GPC6: variants seen among roughly 807,000 people sequenced by gnomAD.
GPC6 encodes the protein glypican 6, also known as glypican-6.
In GPC6, 14 loss-of-function variants were observed where a neutral mutation model predicts 55.2. That is an observed-to-expected ratio of 0.25 (90% CI 0.17 to 0.40). The LOEUF (loss-of-function observed/expected upper bound fraction) is 0.40. Ranked by LOEUF, GPC6 falls within the 10% of genes least tolerant of loss-of-function variation. GPC6 has a pLI of 1.00. For missense variants in GPC6, 641 were observed against 708.5 expected (o/e 0.90, Z 1.08); for synonymous variants, 278 against 259.6 (o/e 1.07, Z -0.68).
At chr13:94,362,431 G>A (rs1405787316) in intron 6 of GPC6, among the ~76,000 whole-genome samples, 2 of 152,102 alleles carry the variant, frequency 1.3e-5, no homozygotes, top group Non-Finnish European at 1.5e-5. Flanking sequence ...CTTGGCTCTG[G>A]TAGACCTCAT....
intron 4 of GPC6, among the ~76,000 whole-genome samples, chr13:94,069,111 A>G (rs1566362621): frequency 1.3e-5 from 2 of 152,220 alleles, no homozygotes; most frequent in African/African-American, 2.4e-5. Context: ...CTGGGCATCC[A>G]GGTGTTTCCA....
At chr13:93,702,918 CT>C (rs1302048402) in intron 2 of GPC6, among the ~76,000 whole-genome samples, 2 of 151,936 alleles carry the variant, frequency 1.3e-5, no homozygotes, top group Admixed American at 6.6e-5. Context: ...CTAAAACTTT[CT>C]TCAGAACAGC....
At chr13:93,348,886 A>G (rs1354876798) in intron 1 of GPC6, among the ~76,000 whole-genome samples, 1 of 152,140 alleles carries the variant, frequency 6.6e-6, no homozygotes, top group African/African-American at 2.4e-5. Flanking sequence ...GAGTAGAGTC[A>G]CAAACATGGG....
intron 2 of GPC6, among the ~76,000 whole-genome samples, chr13:93,568,164 C>T (rs1369194618): frequency 6.6e-6 from 1 of 152,072 alleles, no homozygotes; most frequent in Non-Finnish European, 1.5e-5. Flanking sequence ...TCAGATACTC[C>T]CTCCAAAGAT....
chr13:93,838,823 C>G (rs1363367908), intron 3 of GPC6, among the ~76,000 whole-genome samples: 1 of 151,112 alleles, frequency 6.6e-6, no homozygotes, highest in Non-Finnish European at 1.5e-5. Flanking sequence ...GGGCCCTGTC[C>G]CCAGAGTCAG....
At chr13:93,642,590 T>C (rs570846591) in intron 2 of GPC6, among the ~76,000 whole-genome samples, 1 of 152,168 alleles carries the variant, frequency 6.6e-6, no homozygotes, top group Middle Eastern at 3.4e-3. Context: ...TTCAAGTATT[T>C]CATTTTTATC....
chr13:94,022,824 T>C lies in GPC6; in HGVS notation c.712-4905T>C, dbSNP rs115728197. Among the ~76,000 whole-genome samples the C allele has an allele frequency of 2.5e-3, 383 of 152,178 alleles. 1 individual carries two copies. Among genetic ancestry groups the C allele is most frequent in the African/African-American group, 8.9e-3 (368 of 41,538 alleles). On this transcript the variant is annotated intron_variant, in intron 3 of 8. Coordinates refer to ENST00000377047, the MANE Select transcript of GPC6 (RefSeq NM_005708.5). ...TGCATTCCTCTGATGACTAATGATGTTGGGAACCTTTTCATGTTCCTGTTG... is the reference window on the plus strand; with the variant it reads ...TGCATTCCTCTGATGACTAATGATGCTGGGAACCTTTTCATGTTCCTGTTG...
intron 1 of GPC6, among the ~76,000 whole-genome samples, chr13:93,538,987 G>A (rs1231894702): frequency 6.7e-6 from 1 of 150,156 alleles, no homozygotes; most frequent in Non-Finnish European, 1.5e-5. Context: ...GTTCAGGTTA[G>A]TTACATATGT....
At chr13:94,336,504 G>T (rs549622611) in intron 6 of GPC6, among the ~76,000 whole-genome samples, 1 of 152,232 alleles carries the variant, frequency 6.6e-6, no homozygotes, top group South Asian at 2.1e-4. Context: ...TTACTTCTCA[G>T]TATGAAAATG....
intron 2 of GPC6, among the ~76,000 whole-genome samples, chr13:93,648,557 G>A (rs1412783562): frequency 2.6e-5 from 4 of 152,104 alleles, no homozygotes; most frequent in African/African-American, 7.2e-5. Flanking sequence ...AAACACTGAC[G>A]ATCTGACATT....
In GPC6 at chr13:93,991,564, A is replaced by G. The variant is rs539978501; in HGVS notation, c.712-36165A>G. ...GCATGTCTTCTTAATTTCTATTCACAATTGACTTATAGGAAGTTCCATAAA... is the reference window on the plus strand; with the variant it reads ...GCATGTCTTCTTAATTTCTATTCACGATTGACTTATAGGAAGTTCCATAAA... On this transcript the variant is annotated intron_variant, in intron 3 of 8. Coordinates refer to ENST00000377047, the MANE Select transcript of GPC6 (RefSeq NM_005708.5). 4.3e-4 allele frequency among the ~76,000 whole-genome samples: 66 copies of G among 152,290 alleles called. 1 individual carries two copies. The highest frequency in any genetic ancestry group is 6.8e-3 in the Middle Eastern group (2 of 294).
chr13:94,154,101 C>T (rs1457575775), intron 4 of GPC6: 2 of 152,114 alleles, frequency 1.3e-5, no homozygotes, highest in African/African-American at 2.4e-5. Context: ...GGTAATCAAA[C>T]TAGACTTAGT....
At chr13:93,417,584 G>T (rs547305940) in intron 1 of GPC6, among the ~76,000 whole-genome samples, 1 of 152,206 alleles carries the variant, frequency 6.6e-6, no homozygotes, top group African/African-American at 2.4e-5. Context: ...TGAGGTGGGG[G>T]AGAGGATTGG....
intron 3 of GPC6, among the ~76,000 whole-genome samples, chr13:93,892,878 T>A (rs1875772132): frequency 6.6e-6 from 1 of 152,140 alleles, no homozygotes; most frequent in Non-Finnish European, 1.5e-5. Context: ...CTCATAATCA[T>A]GTGCAAACAT....
intron 2 of GPC6, among the ~76,000 whole-genome samples, chr13:93,555,588 T>C (rs952374737): frequency 6.6e-6 from 1 of 152,204 alleles, no homozygotes; most frequent in Non-Finnish European, 1.5e-5. Flanking sequence ...TTCCAGTGGA[T>C]TTAATGGAAC....
chr13:93,745,093 C>G (rs551646923), intron 2 of GPC6, among the ~76,000 whole-genome samples: 35 of 152,210 alleles, frequency 2.3e-4, no homozygotes, highest in Non-Finnish European at 3.8e-4. Flanking sequence ...GGTGAGTCCT[C>G]CATTTACATG....
chr13:94,149,937 C>G (rs2138893733), intron 4 of GPC6, among the ~76,000 whole-genome samples: 1 of 152,160 alleles, frequency 6.6e-6, no homozygotes, highest in East Asian at 1.9e-4. Flanking sequence ...CACCATTTTT[C>G]TGGTGTCGCA....
intron 2 of GPC6, among the ~76,000 whole-genome samples, chr13:93,752,514 A>T (rs762396836): frequency 6.6e-6 from 1 of 152,142 alleles, no homozygotes. Context: ...ATCTATTACC[A>T]CTGGCAACAT....
In GPC6 at chr13:93,420,280, C is replaced by T. The variant is rs1277796235; in HGVS notation, c.161-124983C>T. ...ATGTATTCAAATGAAAATCATAGTC[C>T]TAGTTTGCTCTCTGATCCCAGTTTA... is the stretch of plus-strand genomic sequence containing the variant. On this transcript the variant is annotated intron_variant, in intron 1 of 8. Coordinates refer to ENST00000377047, the MANE Select transcript of GPC6 (RefSeq NM_005708.5). Among the ~76,000 whole-genome samples, 4 of 151,964 alleles carry T rather than the reference C, an allele frequency of 2.6e-5. No homozygotes were observed. In the South Asian group the frequency reaches 6.2e-4, roughly 24 times the overall value.
Sources: gnomAD v4.1 joint callset for allele counts (sites outside exome capture counted in the v4.1 genomes callset) on GRCh38, gnomAD v4.1.1 for gene constraint, MANE v1.5 for transcripts, NCBI Gene and HGNC (gene_info 2026-07-23, HGNC 2026-07-21) for gene names.